SYNPR: variants seen among roughly 807,000 people sequenced by gnomAD.
The protein encoded by SYNPR is synaptoporin.
In SYNPR, 23 loss-of-function variants were observed where a neutral mutation model predicts 32.9. The observed-to-expected ratio is 0.70, with a 90% CI of 0.50 to 0.99. The LOEUF (loss-of-function observed/expected upper bound fraction) is 0.99. SYNPR is among the 50% of genes least tolerant of loss of function. The pLI is 0.00. For missense variants in SYNPR, 318 were observed against 349.3 expected, an observed-to-expected ratio of 0.91 and a Z score of 0.71; for synonymous variants, 146 against 135.9, an observed-to-expected ratio of 1.07 and a Z score of -0.52.
rs1021473146 is a variant in SYNPR at position 63,443,295 on chromosome 3, C to T, written c.85-37537C>T. The stretch of plus-strand genomic sequence containing the variant: ...TCTGATTGGTATAACATCTCACTTT[C>T]CCTCTGCATTGATTTTCTTCTTCTC... On this transcript the variant is annotated intron_variant, in intron 2 of 5. Transcript: ENST00000478300. 2.0e-6 allele frequency: 3 copies of T among 1,475,698 alleles called. No individual in the cohort carries two copies. In the African/African-American group the frequency reaches 4.3e-5, roughly 21 times the overall value. The allele number at this position is 1,475,698 out of a possible 1,614,324, so 91.4% of individuals were successfully genotyped here.
intron 3 of SYNPR, among the ~76,000 whole-genome samples, chr3:63,542,086 A>G (rs981038844): frequency 3.9e-5 from 6 of 152,274 alleles, no homozygotes; most frequent in Admixed American, 2.0e-4. Flanking sequence ...AACTGAATCA[A>G]TAAAAATTTT....
intron 2 of SYNPR, among the ~76,000 whole-genome samples, chr3:63,258,929 A>T (rs2086412799): frequency 6.6e-6 from 1 of 152,244 alleles, no homozygotes; most frequent in Admixed American, 6.5e-5. Context: ...CTACCATCAG[A>T]GAATACTATA....
intron 3 of SYNPR, chr3:63,550,154 T>C (rs1341212576): frequency 1.3e-5 from 2 of 152,020 alleles, no homozygotes; most frequent in Non-Finnish European, 2.9e-5. Context: ...ATGCTGACTA[T>C]ACACTTTCCC....
At chr3:63,224,272 G>A (rs750402248), upstream of SYNPR, among the ~76,000 whole-genome samples, 1 of 152,290 alleles carries the variant, frequency 6.6e-6, no homozygotes, top group East Asian at 1.9e-4. Flanking sequence ...ATGCATGTGA[G>A]AGATCTAGGT....
chr3:63,247,925 C>A (rs897144547), intron 1 of SYNPR, among the ~76,000 whole-genome samples: 1 of 152,012 alleles, frequency 6.6e-6, no homozygotes, highest in Admixed American at 6.6e-5. Flanking sequence ...AATCAGGAAC[C>A]CAGGTGATGC....
At chr3:63,379,809 G>A (rs572320108) in intron 2 of SYNPR, among the ~76,000 whole-genome samples, 2 of 152,018 alleles carry the variant, frequency 1.3e-5, no homozygotes, top group African/African-American at 2.4e-5. Context: ...TTTACATTAG[G>A]TATATCTCCT....
intron 2 of SYNPR, among the ~76,000 whole-genome samples, chr3:63,423,305 T>C (rs1699832544): frequency 6.6e-6 from 1 of 152,172 alleles, no homozygotes; most frequent in African/African-American, 2.4e-5. Flanking sequence ...GAGCGACTGT[T>C]ATACAGCAAA....
intron 2 of SYNPR, among the ~76,000 whole-genome samples, chr3:63,397,786 G>A (rs1028181868): frequency 6.6e-6 from 1 of 152,158 alleles, no homozygotes; most frequent in Non-Finnish European, 1.5e-5. Flanking sequence ...CTGAAAAATG[G>A]AGATGATAGC....
chr3:63,327,700 A>G (rs567853857), intron 2 of SYNPR, among the ~76,000 whole-genome samples: 37 of 152,298 alleles, frequency 2.4e-4, no homozygotes, highest in Admixed American at 5.2e-4. Flanking sequence ...AGTACAATAT[A>G]TAATTCAATT....
At chr3:63,505,310 A>G (rs1463941227) in intron 3 of SYNPR, among the ~76,000 whole-genome samples, 2 of 152,208 alleles carry the variant, frequency 1.3e-5, no homozygotes, top group Non-Finnish European at 2.9e-5. Flanking sequence ...CACCTTACCG[A>G]AGGCCACAGG....
At chr3:63,469,239 T>G (rs1700749689) in intron 2 of SYNPR, among the ~76,000 whole-genome samples, 1 of 152,130 alleles carries the variant, frequency 6.6e-6, no homozygotes. Context: ...CTTCAGTTTT[T>G]AAAAAATTCA....
At chr3:63,206,776 C>T in the SYNPR span, among the ~76,000 whole-genome samples, 22 of 152,250 alleles carry the variant, frequency 1.4e-4, no homozygotes, top group African/African-American at 5.1e-4. Context: ...AACACATGGG[C>T]CATTGATCCT....
At chr3:63,271,748 A>T (rs977673569) in intron 3 of SYNPR, among the ~76,000 whole-genome samples, 26 of 152,090 alleles carry the variant, frequency 1.7e-4, no homozygotes, top group Non-Finnish European at 1.6e-4. Flanking sequence ...AAATAAAAAA[A>T]TATGCTGTAT....
chr3:63,579,777 T>C (rs1703056231), intron 4 of SYNPR, among the ~76,000 whole-genome samples: 1 of 138,716 alleles, frequency 7.2e-6, no homozygotes, highest in Admixed American at 8.1e-5. Context: ...TGGTTCCTCA[T>C]ATTTAACTAA....
intron 2 of SYNPR, among the ~76,000 whole-genome samples, chr3:63,356,704 G>A (rs1455349197): frequency 6.6e-6 from 1 of 152,152 alleles, no homozygotes; most frequent in East Asian, 1.9e-4. Flanking sequence ...CGGTCCCCAT[G>A]TCTATATGTT....
intron 3 of SYNPR, among the ~76,000 whole-genome samples, chr3:63,487,688 A>G (rs935791): frequency 0.43 from 65,729 of 152,040 alleles, 14,255 homozygotes; most frequent in East Asian, 0.5. Context: ...ATGTTTATTT[A>G]GGTTGCCCTA....
chr3:63,487,950 G>A (rs962915252), intron 3 of SYNPR, among the ~76,000 whole-genome samples: 1 of 152,038 alleles, frequency 6.6e-6, no homozygotes, highest in Non-Finnish European at 1.5e-5. Context: ...CCATTCCCCC[G>A]CTCATGACTC....
intron 1 of SYNPR, among the ~76,000 whole-genome samples, chr3:63,231,758 G>T (rs2086168431): frequency 6.6e-6 from 1 of 152,160 alleles, no homozygotes; most frequent in South Asian, 2.1e-4. Flanking sequence ...TTCACCAGAA[G>T]CTAAGCCATT....
In SYNPR at chr3:63,395,900, A is replaced by G. The variant is rs113832106; in HGVS notation, c.85-84932A>G. Among the ~76,000 whole-genome samples, 247 of 152,198 alleles carry G rather than the reference A, an allele frequency of 1.6e-3. 4 individuals carry two copies. Among genetic ancestry groups the G allele is most frequent in the Middle Eastern group, 0.01 (3 of 294 alleles). ...TTGAGGGATTTAAAAGTTCTAAAAC[A>G]TTCCATTTTACTTAATCTCTTTACC... On this transcript the variant is annotated intron_variant, in intron 2 of 5. Coordinates refer to ENST00000478300, the MANE Select transcript of SYNPR (RefSeq NM_001130003.2).
Sources: allele counts gnomAD v4.1 joint callset (sites outside exome capture counted in the v4.1 genomes callset), GRCh38; gene constraint gnomAD v4.1.1; transcripts MANE v1.5; gene names NCBI Gene and HGNC (gene_info 2026-07-23, HGNC 2026-07-21).